Variants in PPP2R2B observed in about 807,000 individuals in gnomAD.
PPP2R2B encodes protein phosphatase 2 regulatory subunit Bbeta.
Under a neutral mutation model 46.0 loss-of-function variants are expected in PPP2R2B, and 5 were observed. The ratio of observed to expected loss-of-function variants is 0.11; its 90% CI spans 0.06 to 0.23. The LOEUF (loss-of-function observed/expected upper bound fraction) is 0.23, where lower values mean the gene tolerates loss of function less well. Ranked by LOEUF, PPP2R2B falls within the 10% of genes least tolerant of loss-of-function variation. PPP2R2B has a pLI of 1.00. For missense variants in PPP2R2B, 367 were observed against 575.0 expected, an observed-to-expected ratio of 0.64 and a Z score of 3.70; for synonymous variants, 215 against 206.7, an observed-to-expected ratio of 1.04 and a Z score of -0.34.
chr5:146,816,436 A>G (rs938752351), intron 2 of PPP2R2B, among the ~76,000 whole-genome samples: 2 of 152,230 alleles, frequency 1.3e-5, no homozygotes, highest in African/African-American at 2.4e-5. Flanking sequence ...AAAAGATCCA[A>G]ATATATGACA....
chr5:146,646,662 A>G (rs1030578874), intron 6 of PPP2R2B, among the ~76,000 whole-genome samples: 1 of 152,220 alleles, frequency 6.6e-6, no homozygotes, highest in Non-Finnish European at 1.5e-5. Flanking sequence ...AAGGACACCC[A>G]ACTGCAGAAC....
At chr5:146,672,044 T>C (rs1167776627) in intron 5 of PPP2R2B, among the ~76,000 whole-genome samples, 2 of 152,118 alleles carry the variant, frequency 1.3e-5, no homozygotes, top group Non-Finnish European at 2.9e-5. Context: ...AGAATATAAG[T>C]GGTGAAGACG....
At chr5:147,031,012 G>A (rs1427703605) in intron 1 of PPP2R2B, among the ~76,000 whole-genome samples, 3 of 152,072 alleles carry the variant, frequency 2.0e-5, no homozygotes, top group South Asian at 4.2e-4. Flanking sequence ...CAAGGCGGGC[G>A]GATCACGAGG....
intron 1 of PPP2R2B, among the ~76,000 whole-genome samples, chr5:146,977,858 T>C (rs1052039688): frequency 2.6e-5 from 4 of 152,198 alleles, no homozygotes; most frequent in African/African-American, 9.7e-5. Flanking sequence ...GTCTTTATAG[T>C]AGAATGATTT....
chr5:146,899,991 G>A, intron 1 of PPP2R2B, among the ~76,000 whole-genome samples: 1 of 151,950 alleles, frequency 6.6e-6, no homozygotes, highest in South Asian at 2.1e-4. Context: ...TTCAACATTG[G>A]TCCCTAAAAA....
chr5:146,701,358 C>A, intron 2 of PPP2R2B: 1 of 684,266 alleles, frequency 1.5e-6, no homozygotes. Context: ...TCTCCTGGAA[C>A]ATCTGGAGAG....
upstream of PPP2R2B, among the ~76,000 whole-genome samples, chr5:147,060,751 A>G (rs369978785): frequency 7.0e-4 from 107 of 152,336 alleles, no homozygotes; most frequent in Middle Eastern, 3.4e-3. Flanking sequence ...TGAGGATCAA[A>G]TGAGGTAATC....
At chr5:146,845,012 C>T (rs1759898010) in intron 2 of PPP2R2B, among the ~76,000 whole-genome samples, 1 of 152,188 alleles carries the variant, frequency 6.6e-6, no homozygotes, top group Non-Finnish European at 1.5e-5. Context: ...CCACTTTTGG[C>T]CACTTCTTCA....
chr5:146,823,501 G>A (rs1758396994), intron 2 of PPP2R2B, among the ~76,000 whole-genome samples: 1 of 152,004 alleles, frequency 6.6e-6, no homozygotes, highest in African/African-American at 2.4e-5. Context: ...CTGGCCCAGA[G>A]TTTACTTAGA....
At chr5:146,970,498 A>G (rs998702038) in intron 1 of PPP2R2B, among the ~76,000 whole-genome samples, 2 of 152,056 alleles carry the variant, frequency 1.3e-5, no homozygotes, top group African/African-American at 4.8e-5. Context: ...TGGGAGACTG[A>G]GGCATGGGAA....
At chr5:146,977,450 C>T (rs1170015087) in intron 1 of PPP2R2B, among the ~76,000 whole-genome samples, 5 of 151,934 alleles carry the variant, frequency 3.3e-5, no homozygotes, top group African/African-American at 9.7e-5. Context: ...TAGGTATACA[C>T]GTGCCATTGT....
upstream of PPP2R2B, among the ~76,000 whole-genome samples, chr5:146,882,073 C>T (rs532909351): frequency 1.2e-4 from 18 of 152,038 alleles, no homozygotes; most frequent in African/African-American, 3.4e-4. Flanking sequence ...GTCAGGAGAT[C>T]GAGGCCATCC....
chr5:147,079,469 T>TATATATATACAC (rs1491141938), intron 2 of PPP2R2B, among the ~76,000 whole-genome samples: 9 of 139,054 alleles, frequency 6.5e-5, no homozygotes, highest in South Asian at 2.3e-4. Context: ...TATATATATA[T>TATATATATACAC]ACATGTGCAA....
intron 2 of PPP2R2B, among the ~76,000 whole-genome samples, chr5:146,712,954 A>G (rs1780291108): frequency 6.6e-6 from 1 of 152,240 alleles, no homozygotes; most frequent in Non-Finnish European, 1.5e-5. Context: ...TTAAAGAAAG[A>G]TCAATTAAAA....
chr5:146,685,467 C>G (rs1011303822), intron 5 of PPP2R2B, among the ~76,000 whole-genome samples: 3 of 152,242 alleles, frequency 2.0e-5, no homozygotes, highest in Non-Finnish European at 4.4e-5. Flanking sequence ...TCTGTTTAAT[C>G]AGTTCTCTAG....
At chr5:146,782,199 A>T (rs2151284108) in intron 2 of PPP2R2B, among the ~76,000 whole-genome samples, 1 of 152,280 alleles carries the variant, frequency 6.6e-6, no homozygotes, top group South Asian at 2.1e-4. Context: ...GAGCCAGTTA[A>T]ACCTCATTTG....
At chr5:146,933,702 T>C (rs1362283639) in intron 1 of PPP2R2B, among the ~76,000 whole-genome samples, 1 of 151,878 alleles carries the variant, frequency 6.6e-6, no homozygotes, top group East Asian at 1.9e-4. Context: ...ATTATTATAC[T>C]TTAAGTTTTA....
chr5:146,638,471 G>C, intron 6 of PPP2R2B, 56 bp from the exon 7 acceptor site: 1 of 1,490,346 alleles, frequency 6.7e-7, no homozygotes, highest in South Asian at 1.3e-5. Flanking sequence ...ACTTGGGGAA[G>C]GGGAGAATTA....
At chr5:147,071,117 C>T (rs1757582068) in intron 2 of PPP2R2B, among the ~76,000 whole-genome samples, 1 of 151,926 alleles carries the variant, frequency 6.6e-6, no homozygotes, top group African/African-American at 2.4e-5. Context: ...TGTCCTTTCG[C>T]TTGACATTGT....
Sources: allele counts gnomAD v4.1 joint callset (sites outside exome capture counted in the v4.1 genomes callset), GRCh38; gene constraint gnomAD v4.1.1; transcripts MANE v1.5; gene names NCBI Gene and HGNC (gene_info 2026-07-23, HGNC 2026-07-21).